SORCS3: variants seen among roughly 807,000 people sequenced by gnomAD.
The protein encoded by SORCS3 is VPS10 domain-containing receptor SorCS3.
Under a neutral mutation model 146.3 loss-of-function variants are expected in SORCS3, and 57 were observed. The observed-to-expected ratio is 0.39, with a 90% CI of 0.31 to 0.49. The LOEUF is 0.49. Among genes scored for constraint, SORCS3 ranks in the 20% least tolerant of loss-of-function variants. The pLI is 0.92. For missense variants in SORCS3, 1,341 were observed against 1,575.5 expected (o/e 0.85, Z 2.52); for synonymous variants, 653 against 618.5 (o/e 1.06, Z -0.83).
intron 3 of SORCS3, among the ~76,000 whole-genome samples, chr10:104,950,406 T>C (rs1271917201): frequency 6.6e-6 from 1 of 152,184 alleles, no homozygotes; most frequent in East Asian, 1.9e-4. Flanking sequence ...ACCGGACTTT[T>C]CTCTGAAAAT....
intron 1 of SORCS3, among the ~76,000 whole-genome samples, chr10:104,692,279 A>C (rs2016122629): frequency 6.6e-6 from 1 of 152,196 alleles, no homozygotes; most frequent in African/African-American, 2.4e-5. Flanking sequence ...TGCCTGCAGC[A>C]GCAGAGGAAA....
chr10:104,712,452 T>C (rs562812778), intron 1 of SORCS3, among the ~76,000 whole-genome samples: 1 of 152,346 alleles, frequency 6.6e-6, no homozygotes, highest in South Asian at 2.1e-4. Flanking sequence ...AATGAAAACA[T>C]TTGCATGATG....
In SORCS3 at chr10:105,043,126, T is replaced by C. The variant is rs1359414341; in HGVS notation, c.1026T>C (p.Tyr342=). ...MHERITPNRF[Y]WSVAGLDKEA... ...AACGCATCACACCCAACAGGTTTTA[T>C]TGGTAAGCCCTATCCACACACTCAT... The change falls in exon 5 of 27, where the codon TAT becomes TAC. Residue 342 remains tyrosine (Y), a splice_region_variant and synonymous_variant. Coordinates refer to ENST00000369701, the MANE Select transcript of SORCS3 (RefSeq NM_014978.3). The C allele has an allele frequency of 1.2e-6, 2 of 1,613,474 alleles. No individual in the cohort carries two copies. Among genetic ancestry groups the C allele is most frequent in the East Asian group, 2.2e-5 (1 of 44,862 alleles).
chr10:105,032,646 A>T (rs1264778945), intron 4 of SORCS3, among the ~76,000 whole-genome samples: 1 of 152,202 alleles, frequency 6.6e-6, no homozygotes, highest in Non-Finnish European at 1.5e-5. Flanking sequence ...AGTTGAACGT[A>T]GCTATTATTA....
At chr10:104,944,296 T>C (rs2019348105) in intron 3 of SORCS3, among the ~76,000 whole-genome samples, 1 of 152,214 alleles carries the variant, frequency 6.6e-6, no homozygotes, top group Non-Finnish European at 1.5e-5. Context: ...CTTCATGACT[T>C]CTGTATGGGC....
intron 2 of SORCS3, among the ~76,000 whole-genome samples, chr10:104,843,285 T>G (rs1179618977): frequency 6.6e-6 from 1 of 152,076 alleles, no homozygotes; most frequent in Non-Finnish European, 1.5e-5. Context: ...GAGAAGGCAG[T>G]ATCATGGGGA....
At position 105,263,764 on chromosome 10, in the gene SORCS3, A is replaced by G. The variant is rs746477855; in HGVS notation, c.*390A>G. On this transcript the variant is annotated 3_prime_UTR_variant, in exon 27 of 27. Transcript: ENST00000369701. ...ACTCTCCGCTTCCCCCAGCACACAC[A>G]CATACAACACAGATCATTTCCCAGT... 2.1e-5 allele frequency: 4 copies of G among 188,160 alleles called. No homozygotes were observed. Among genetic ancestry groups the G allele is most frequent in the Admixed American group, 5.6e-5 (1 of 17,918 alleles). 11.7% of individuals were successfully genotyped at this position (188,160 alleles called of 1,614,324 possible).
chr10:105,193,801 C>T (rs1589682254), intron 14 of SORCS3, among the ~76,000 whole-genome samples: 2 of 152,108 alleles, frequency 1.3e-5, no homozygotes, highest in South Asian at 4.1e-4. Context: ...GCCCAGACCA[C>T]CCATATGTTA....
chr10:105,203,322 T>C (rs1429642003), intron 16 of SORCS3, among the ~76,000 whole-genome samples: 4 of 152,200 alleles, frequency 2.6e-5, no homozygotes, highest in Non-Finnish European at 5.9e-5. Flanking sequence ...ATATTTTCAA[T>C]TATTAATCAC....
chr10:104,671,556 G>C (rs1278102937), intron 1 of SORCS3, among the ~76,000 whole-genome samples: 1 of 150,854 alleles, frequency 6.6e-6, no homozygotes, highest in Non-Finnish European at 1.5e-5. Context: ...TATTGCCCAG[G>C]ATCTTGAACT....
intron 4 of SORCS3, among the ~76,000 whole-genome samples, chr10:105,036,644 GGAACT>G (rs1445841162): frequency 1.3e-5 from 2 of 152,148 alleles, no homozygotes; most frequent in Non-Finnish European, 2.9e-5. Context: ...TTCTGAGGAA[GGAACT>G]GAAGACGCAG....
intron 2 of SORCS3, among the ~76,000 whole-genome samples, chr10:104,848,860 A>G: frequency 6.6e-6 from 1 of 152,204 alleles, no homozygotes; most frequent in Non-Finnish European, 1.5e-5. Flanking sequence ...GTTGGAAGAT[A>G]AGATGAATGT....
At chr10:104,694,371 A>G (rs1406090711) in intron 1 of SORCS3, among the ~76,000 whole-genome samples, 1 of 151,830 alleles carries the variant, frequency 6.6e-6, no homozygotes, top group African/African-American at 2.4e-5. Flanking sequence ...ACCTTGGACC[A>G]GTTACTTTAT....
intron 5 of SORCS3, among the ~76,000 whole-genome samples, chr10:105,063,335 T>C (rs2133719961): frequency 6.6e-6 from 1 of 152,278 alleles, no homozygotes; most frequent in South Asian, 2.1e-4. Flanking sequence ...GTTAAAACAC[T>C]CTCATTTTAC....
intron 12 of SORCS3, 95 bp downstream of exon 12, chr10:105,164,474 T>C: frequency 4.2e-6 from 4 of 953,402 alleles, no homozygotes; most frequent in Non-Finnish European, 6.7e-6. Context: ...TCATTATGAC[T>C]TTGTAATTTC....
At chr10:105,215,889 A>G (rs2056661940) in intron 18 of SORCS3, among the ~76,000 whole-genome samples, 1 of 150,752 alleles carries the variant, frequency 6.6e-6, no homozygotes, top group African/African-American at 2.4e-5. Context: ...ATCTTCATAT[A>G]TGAACAGAGC....
chr10:105,001,618 C>T (rs1310482618), intron 4 of SORCS3, among the ~76,000 whole-genome samples: 2 of 152,160 alleles, frequency 1.3e-5, no homozygotes, highest in East Asian at 1.9e-4. Context: ...CATGCTTACC[C>T]TTTGAATATA....
chr10:104,891,838 C>T (rs2018752527), intron 2 of SORCS3, among the ~76,000 whole-genome samples: 1 of 152,060 alleles, frequency 6.6e-6, no homozygotes, highest in South Asian at 2.1e-4. Flanking sequence ...TTCTTTCTTC[C>T]AGGTTGGTGC....
chr10:105,032,616 C>A (rs2055276707), intron 4 of SORCS3, among the ~76,000 whole-genome samples: 1 of 152,112 alleles, frequency 6.6e-6, no homozygotes, highest in South Asian at 2.1e-4. Context: ...GTAGGAATAG[C>A]AAGGTTTTCA....
Sources: gnomAD v4.1 joint callset for allele counts (sites outside exome capture counted in the v4.1 genomes callset) on GRCh38, gnomAD v4.1.1 for gene constraint, MANE v1.5 for transcripts, NCBI Gene and HGNC (gene_info 2026-07-23, HGNC 2026-07-21) for gene names.